Variants in SYNPO observed in about 807,000 individuals in gnomAD.
SYNPO encodes synaptopodin.
A neutral mutation model predicts 49.5 loss-of-function variants in SYNPO; 19 were observed. The observed-to-expected ratio is 0.38, with a 90% CI of 0.27 to 0.56. The LOEUF (loss-of-function observed/expected upper bound fraction) is 0.56, where lower values mean the gene tolerates loss of function less well. SYNPO is among the 20% of genes least tolerant of loss of function. SYNPO has a pLI of 0.68. For missense variants in SYNPO, 1,131 were observed against 1,248.3 expected, an observed-to-expected ratio of 0.91 and a Z score of 1.42; for synonymous variants, 536 against 548.0, an observed-to-expected ratio of 0.98 and a Z score of 0.31.
At chr5:150,650,980 T>G (rs1022300817) in intron 2 of SYNPO, 1 of 1,248,586 alleles carries the variant, frequency 8.0e-7, no homozygotes, top group Non-Finnish European at 1.0e-6. Context: ...CCACCACTGC[T>G]GTCTGACGCT....
intron 2 of SYNPO, among the ~76,000 whole-genome samples, chr5:150,623,034 C>A (rs761303772): frequency 7.2e-5 from 11 of 152,204 alleles, no homozygotes; most frequent in East Asian, 3.9e-4. Context: ...CTGGCACATA[C>A]CTTCCTGAAG....
At chr5:150,619,372 G>A (rs1757079767) in intron 2 of SYNPO, among the ~76,000 whole-genome samples, 1 of 152,180 alleles carries the variant, frequency 6.6e-6, no homozygotes, top group Non-Finnish European at 1.5e-5. Context: ...TCCTCGCCTA[G>A]GCCTTGGTTT....
At position 150,649,763 on chromosome 5, in the gene SYNPO, C is replaced by T. The variant is rs202036742; in HGVS notation, c.1488C>T (p.Ile496=). ...AGTCACGGATGGAGAAATATGTCATCGAGTCTTCAAGCCACACGCCAGAGC... is the reference window on the plus strand; with the variant it reads ...AGTCACGGATGGAGAAATATGTCATTGAGTCTTCAAGCCACACGCCAGAGC... ...RRQSRMEKYV[I]ESSSHTPELA... is the part of the protein sequence containing the mutation. The change falls in exon 2 of 3, where the codon ATC becomes ATT. Residue 496 remains isoleucine (I), a synonymous_variant. Transcript: ENST00000307662. The T allele has an allele frequency of 5.1e-5, 83 of 1,612,934 alleles. No individual in the cohort carries two copies. In the East Asian group the frequency reaches 1.3e-3, roughly 26 times the overall value.
At chr5:150,613,013 A>G (rs873966) in intron 1 of SYNPO, among the ~76,000 whole-genome samples, 13,627 of 152,224 alleles carry the variant, frequency 0.09, 1,483 homozygotes, top group African/African-American at 0.22. Context: ...TCCTGGGCTC[A>G]GGTGATCATC....
intron 1 of SYNPO, among the ~76,000 whole-genome samples, chr5:150,611,686 C>T (rs1560658): frequency 0.27 from 41,228 of 152,052 alleles, 6,229 homozygotes; most frequent in Middle Eastern, 0.43. Context: ...TACTGATGGC[C>T]GCTGAGGAAG....
At chr5:150,619,704 G>T (rs886200100) in intron 2 of SYNPO, among the ~76,000 whole-genome samples, 1 of 152,166 alleles carries the variant, frequency 6.6e-6, no homozygotes, top group South Asian at 2.1e-4. Context: ...CACAGTCCCG[G>T]GAGGGCTTGT....
intron 2 of SYNPO, chr5:150,650,792 CCTCCTG>C: frequency 7.8e-7 from 1 of 1,290,124 alleles, no homozygotes; most frequent in Non-Finnish European, 9.9e-7. Flanking sequence ...GGGGGGCCTC[CCTCCTG>C]AGGCTCAAGC....
At chr5:150,653,211 C>G (rs1316927510) in intron 2 of SYNPO, 6 of 152,150 alleles carry the variant, frequency 3.9e-5, no homozygotes, top group Admixed American at 3.9e-4. Context: ...TGTGCACACC[C>G]CCGACTCAAA....
intron 1 of SYNPO, among the ~76,000 whole-genome samples, chr5:150,642,792 C>G (rs947757698): frequency 6.6e-6 from 1 of 152,220 alleles, no homozygotes; most frequent in African/African-American, 2.4e-5. Flanking sequence ...CAGGAGCTTG[C>G]CTTGGAGGGC....
intron 1 of SYNPO, among the ~76,000 whole-genome samples, chr5:150,616,847 C>G (rs373780086): frequency 1.1e-4 from 17 of 152,092 alleles, no homozygotes; most frequent in African/African-American, 4.1e-4. Flanking sequence ...CCTCACCACC[C>G]CTTACAGAAA....
upstream of SYNPO, chr5:150,640,272 G>C (rs186881396): frequency 3.0e-6 from 2 of 665,516 alleles, no homozygotes. Context: ...AAATCTGAAG[G>C]ATTAGGGCAT....
At position 150,622,936 on chromosome 5, in the gene SYNPO, G is replaced by T. The variant is rs146852790; in HGVS notation, c.400+4169G>T. Among the ~76,000 whole-genome samples the T allele has an allele frequency of 1.4e-4, 22 of 152,300 alleles. No individual in the cohort carries two copies. The East Asian group carries it at 4.2e-3, about 29-fold the overall frequency. On this transcript the variant is annotated intron_variant, in intron 2 of 2. Transcript: ENST00000394243. ...TCTACACATGATGTATAGATGCCAT[G>T]TTCTCATGCAAACCATCACACATAT...
At chr5:150,636,993 C>T (rs1757738651), upstream of SYNPO, among the ~76,000 whole-genome samples, 1 of 152,216 alleles carries the variant, frequency 6.6e-6, no homozygotes, top group Admixed American at 6.5e-5. Flanking sequence ...GTGCTTTATA[C>T]TTTAGAAATC....
intron 2 of SYNPO, among the ~76,000 whole-genome samples, chr5:150,625,274 G>T (rs1252669649): frequency 3.9e-5 from 6 of 152,242 alleles, no homozygotes. Context: ...GTCTCCCCAA[G>T]CCCGTTCTGG....
At position 150,657,128 on chromosome 5, in the gene SYNPO, A is replaced by G. The variant is rs973332068; in HGVS notation, c.*41A>G. 1 of 1,523,014 alleles carries G rather than the reference A, an allele frequency of 6.6e-7. No homozygotes were observed. The highest frequency in any genetic ancestry group is 8.8e-7 in the Non-Finnish European group (1 of 1,131,406). The allele number at this position is 1,523,014 out of a possible 1,614,324, so 94.3% of individuals were successfully genotyped here. A position where few individuals can be genotyped will look rare whatever the true frequency, so the allele number is the denominator to read the frequency against. On this transcript the variant is annotated 3_prime_UTR_variant, in exon 3 of 3. Transcript: ENST00000307662. ...CCCACCCCGGGAGGGCAGAGCCAGA[A>G]GAAGGCTCATTAGACCTGGGGGACC... is the stretch of plus-strand genomic sequence containing the variant.
At chr5:150,624,194 C>T (rs1348638728) in intron 2 of SYNPO, among the ~76,000 whole-genome samples, 1 of 152,210 alleles carries the variant, frequency 6.6e-6, no homozygotes, top group Non-Finnish European at 1.5e-5. Context: ...ACATGGTCAC[C>T]CTTCTCAGTG....
In SYNPO at chr5:150,656,746, C is replaced by CCCCCG; in HGVS notation, c.2376_2380dup (p.Pro794ArgfsTer147). ...CTTCTCCCCGCCGAGGGCGCCACCG[C>CCCCCG]CCCCGCCCCCGCCCCCGCCCCCGCC... On this transcript the variant is annotated frameshift_variant, in exon 3 of 3. Transcript: ENST00000307662. LOFTEE classifies it low-confidence loss of function (END_TRUNC). 8.7e-7 allele frequency: 1 copy of CCCCCG among 1,144,122 alleles called. No individual in the cohort carries two copies. The highest frequency in any genetic ancestry group is 2.1e-5 in the African/African-American group (1 of 48,022). 70.9% of individuals were successfully genotyped at this position (1,144,122 alleles called of 1,614,324 possible).
Position 150,657,430 on chromosome 5 carries a change from TCTCACACACACACACACA to T in SYNPO, c.*345_*362del, listed in dbSNP as rs1245503360. 25 of 157,574 alleles carry T rather than the reference TCTCACACACACACACACA, an allele frequency of 1.6e-4. No homozygotes were observed. Among genetic ancestry groups the T allele is most frequent in the African/African-American group, 8.5e-4 (20 of 23,650 alleles). 9.8% of individuals were successfully genotyped at this position (157,574 alleles called of 1,614,324 possible). On this transcript the variant is annotated 3_prime_UTR_variant, in exon 3 of 3. Coordinates refer to ENST00000307662, the MANE Select transcript of SYNPO (RefSeq NM_007286.6). ...CACTCTCTCTTTCTCTCTCTCTCTC[TCTCACACACACACACACA>T]CACACACACACACACACACACACAC...
chr5:150,606,719 C>T (rs116313383), intron 1 of SYNPO, among the ~76,000 whole-genome samples: 2,420 of 152,312 alleles, frequency 0.016, 70 homozygotes, highest in African/African-American at 0.055. Flanking sequence ...CAGGGCTGAA[C>T]GTCTGAGTGT....
Sources: gnomAD v4.1 joint callset for allele counts (sites outside exome capture counted in the v4.1 genomes callset) on GRCh38, gnomAD v4.1.1 for gene constraint, MANE v1.5 for transcripts, NCBI Gene and HGNC (gene_info 2026-07-23, HGNC 2026-07-21) for gene names.